ADGRB3: variants seen among roughly 807,000 people sequenced by gnomAD.
ADGRB3 encodes the protein adhesion G protein-coupled receptor B3, also known as brain-specific angiogenesis inhibitor 3.
A neutral mutation model predicts 193.4 loss-of-function variants in ADGRB3; 37 were observed. That is an observed-to-expected ratio of 0.19 (90% CI 0.15 to 0.25). The LOEUF (loss-of-function observed/expected upper bound fraction) is 0.25. ADGRB3 is among the 10% of genes least tolerant of loss of function. ADGRB3 has a pLI of 1.00. For missense variants in ADGRB3, 1,637 were observed against 1,852.9 expected, an observed-to-expected ratio of 0.88 and a Z score of 2.14; for synonymous variants, 690 against 644.2, an observed-to-expected ratio of 1.07 and a Z score of -1.08.
At chr6:68,815,718 A>G (rs754709011) in intron 3 of ADGRB3, among the ~76,000 whole-genome samples, 1 of 151,948 alleles carries the variant, frequency 6.6e-6, no homozygotes, top group Non-Finnish European at 1.5e-5. Context: ...GCAAAAAATC[A>G]TTGGCCTTCA....
intron 10 of ADGRB3, among the ~76,000 whole-genome samples, chr6:68,977,187 T>C (rs1768776248): frequency 6.6e-6 from 1 of 151,320 alleles, no homozygotes; most frequent in Admixed American, 6.6e-5. Context: ...AGCTTCATAA[T>C]ATAAAATGTA....
chr6:68,971,640 C>T (rs1768572005), intron 8 of ADGRB3, among the ~76,000 whole-genome samples: 1 of 152,162 alleles, frequency 6.6e-6, no homozygotes, highest in South Asian at 2.1e-4. Context: ...TGGTACAAAT[C>T]CCCCATAGAT....
intron 3 of ADGRB3, among the ~76,000 whole-genome samples, chr6:68,792,840 G>A (rs889244249): frequency 2.6e-5 from 4 of 152,124 alleles, no homozygotes; most frequent in African/African-American, 9.7e-5. Flanking sequence ...TGGAGCAAAT[G>A]TCCAGGATTA....
At chr6:69,381,683 A>C (rs1296465696) in intron 30 of ADGRB3, among the ~76,000 whole-genome samples, 1 of 151,926 alleles carries the variant, frequency 6.6e-6, no homozygotes, top group Non-Finnish European at 1.5e-5. Context: ...TAGGCATTAC[A>C]GCTCTCCCAA....
At chr6:68,698,847 T>C (rs1157031328) in intron 3 of ADGRB3, among the ~76,000 whole-genome samples, 8 of 152,178 alleles carry the variant, frequency 5.3e-5, no homozygotes, top group Admixed American at 5.2e-4. Flanking sequence ...TCACAGGTAA[T>C]GGAAGGATCA....
chr6:69,033,066 A>C (rs1449315318), intron 13 of ADGRB3, among the ~76,000 whole-genome samples: 5 of 152,104 alleles, frequency 3.3e-5, no homozygotes, highest in Non-Finnish European at 7.4e-5. Context: ...CTACATTTTA[A>C]AAAATATATA....
chr6:68,694,520 T>G (rs1239014110), intron 3 of ADGRB3, among the ~76,000 whole-genome samples: 1 of 151,908 alleles, frequency 6.6e-6, no homozygotes, highest in Non-Finnish European at 1.5e-5. Flanking sequence ...TTCACCTTGT[T>G]TTTTTAGTCT....
chr6:69,263,073 T>G (rs1329965509), intron 20 of ADGRB3, among the ~76,000 whole-genome samples: 2 of 152,026 alleles, frequency 1.3e-5, no homozygotes. Flanking sequence ...AGGTTACCTG[T>G]AGGTATAATT....
intron 17 of ADGRB3, among the ~76,000 whole-genome samples, chr6:69,131,699 T>C (rs1442973813): frequency 6.6e-6 from 1 of 152,030 alleles, no homozygotes. Flanking sequence ...CATAGGTATA[T>C]GTATGCCATG....
chr6:69,078,593 A>T (rs1772299908), intron 17 of ADGRB3, among the ~76,000 whole-genome samples: 1 of 152,030 alleles, frequency 6.6e-6, no homozygotes, highest in Admixed American at 6.6e-5. Flanking sequence ...AAGTTGATTT[A>T]CTATTCTCTA....
intron 20 of ADGRB3, among the ~76,000 whole-genome samples, chr6:69,286,558 C>T (rs1046563905): frequency 5.3e-5 from 8 of 152,188 alleles, no homozygotes; most frequent in Non-Finnish European, 1.0e-4. Context: ...ATGAGCAGTA[C>T]ATCCACAGGT....
intron 3 of ADGRB3, among the ~76,000 whole-genome samples, chr6:68,867,900 C>T (rs1407188299): frequency 6.6e-6 from 1 of 152,212 alleles, no homozygotes; most frequent in Non-Finnish European, 1.5e-5. Flanking sequence ...CCTGTACTCC[C>T]ACTGTTTCTT....
intron 3 of ADGRB3, among the ~76,000 whole-genome samples, chr6:68,858,169 A>T (rs755408706): frequency 6.6e-6 from 1 of 152,092 alleles, no homozygotes; most frequent in Non-Finnish European, 1.5e-5. Flanking sequence ...ATGATGTTTC[A>T]TACCTGCAGT....
intron 19 of ADGRB3, among the ~76,000 whole-genome samples, chr6:69,235,443 A>G (rs530069929): frequency 3.2e-4 from 49 of 152,170 alleles, no homozygotes; most frequent in African/African-American, 1.2e-3. Flanking sequence ...AGTTCAATCT[A>G]TTTGTGGTTT....
chr6:68,953,023 C>CAAA (rs1281685510), intron 6 of ADGRB3, among the ~76,000 whole-genome samples: 13 of 152,046 alleles, frequency 8.6e-5, no homozygotes. Flanking sequence ...GCCTGAGGAG[C>CAAA]AAAACACTTC....
intron 3 of ADGRB3, among the ~76,000 whole-genome samples, chr6:68,874,746 A>C (rs1267419748): frequency 1.3e-5 from 2 of 152,188 alleles, no homozygotes; most frequent in African/African-American, 2.4e-5. Context: ...AATTTTAAAC[A>C]CTGATGACTG....
chr6:68,872,677 A>G (rs1349328746), intron 3 of ADGRB3, among the ~76,000 whole-genome samples: 1 of 152,134 alleles, frequency 6.6e-6, no homozygotes, highest in Non-Finnish European at 1.5e-5. Flanking sequence ...TGAATTCAGT[A>G]TATAATTACT....
At chr6:68,728,425 A>G (rs1408180796) in intron 3 of ADGRB3, among the ~76,000 whole-genome samples, 1 of 151,460 alleles carries the variant, frequency 6.6e-6, no homozygotes. Flanking sequence ...GCACTTTTTG[A>G]AATAGCGAAG....
chr6:69,174,219 C>G (rs949318091), intron 17 of ADGRB3, among the ~76,000 whole-genome samples: 76 of 152,130 alleles, frequency 5.0e-4, no homozygotes, highest in African/African-American at 1.8e-3. Context: ...AAGCATAGTA[C>G]TCAATAGTTG....
Sources: gnomAD v4.1 joint callset for allele counts (sites outside exome capture counted in the v4.1 genomes callset) on GRCh38, gnomAD v4.1.1 for gene constraint, MANE v1.5 for transcripts, NCBI Gene and HGNC (gene_info 2026-07-23, HGNC 2026-07-21) for gene names.